The following TTLL4 variants were observed in gnomAD, a reference collection of about 807,000 sequenced individuals.
The protein encoded by TTLL4 is tubulin tyrosine ligase like 4.
Under a neutral mutation model 122.7 loss-of-function variants are expected in TTLL4, and 85 were observed. That is an observed-to-expected ratio of 0.69 (90% CI 0.58 to 0.83). The LOEUF (loss-of-function observed/expected upper bound fraction) is 0.83, where lower values mean the gene tolerates loss of function less well. Among genes scored for constraint, TTLL4 ranks in the 40% least tolerant of loss-of-function variants. TTLL4 has a pLI of 0.00. For missense variants in TTLL4, 1,363 were observed against 1,488.6 expected (o/e 0.92, Z 1.39); for synonymous variants, 553 against 563.0 (o/e 0.98, Z 0.25).
In TTLL4 at chr2:218,749,251, A is replaced by G; in HGVS notation, c.2601-2A>G. The G allele has an allele frequency of 1.2e-6, 2 of 1,613,996 alleles. No homozygotes were observed. Among genetic ancestry groups the G allele is most frequent in the Non-Finnish European group, 1.7e-6 (2 of 1,179,978 alleles). On this transcript the variant is annotated splice_acceptor_variant, in intron 13 of 19. Coordinates refer to ENST00000392102, the MANE Select transcript of TTLL4 (RefSeq NM_014640.5). LOFTEE classifies it high-confidence loss of function. ...TGAGTACTTCCTCATCCCCATGACC[A>G]GGTCAGAGCCCTATGTGACCAGCCT...
At chr2:218,720,571 G>A (rs1392166165) in intron 1 of TTLL4, among the ~76,000 whole-genome samples, 2 of 151,916 alleles carry the variant, frequency 1.3e-5, no homozygotes, top group Non-Finnish European at 2.9e-5. Context: ...CTATTCGGGA[G>A]GCTGAGGCGG....
Position 218,746,108 on chromosome 2 carries a change from C to T in TTLL4, c.1898-47C>T, listed in dbSNP as rs952398693. ...GGGGCCTCTGGGCCTCTCTCTGTCC[C>T]TGGACTGAGCTGTTAGCAAGGCTGA... On this transcript the variant is annotated intron_variant, in intron 7 of 19. Coordinates refer to ENST00000392102, the MANE Select transcript of TTLL4 (RefSeq NM_014640.5). 3.7e-6 allele frequency: 6 copies of T among 1,607,540 alleles called. No homozygotes were observed. In the African/African-American group the frequency reaches 5.3e-5, roughly 14 times the overall value.
chr2:218,722,461 G>T (rs1163981396), intron 1 of TTLL4, among the ~76,000 whole-genome samples: 2 of 151,998 alleles, frequency 1.3e-5, no homozygotes, highest in African/African-American at 4.8e-5. Context: ...AATAGGGAAT[G>T]ATTGGGGTAG....
intron 2 of TTLL4, among the ~76,000 whole-genome samples, chr2:218,735,034 A>G (rs76755954): frequency 0.015 from 2,319 of 152,240 alleles, 37 homozygotes; most frequent in South Asian, 0.022. Flanking sequence ...ATCATTTTGA[A>G]TATTGGCAGT....
intron 16 of TTLL4, among the ~76,000 whole-genome samples, 187 bp downstream of exon 16, chr2:218,751,993 C>A (rs949000712): frequency 6.7e-6 from 1 of 149,114 alleles, no homozygotes; most frequent in South Asian, 2.1e-4. Flanking sequence ...CTGCAACCTC[C>A]GCCTCCCAGG....
chr2:218,728,728 A>G (rs934513236), intron 2 of TTLL4, among the ~76,000 whole-genome samples: 1 of 152,194 alleles, frequency 6.6e-6, no homozygotes, highest in Non-Finnish European at 1.5e-5. Context: ...CATACCTCCT[A>G]TAGAGAGAAG....
intron 2 of TTLL4, among the ~76,000 whole-genome samples, chr2:218,735,053 G>A (rs1258239498): frequency 1.3e-5 from 2 of 152,138 alleles, no homozygotes; most frequent in Admixed American, 1.3e-4. Flanking sequence ...GTGCTGCATT[G>A]TGATTTTTTG....
At chr2:218,724,035 C>A (rs1482866593) in intron 1 of TTLL4, among the ~76,000 whole-genome samples, 3 of 152,046 alleles carry the variant, frequency 2.0e-5, no homozygotes, top group Non-Finnish European at 2.9e-5. Flanking sequence ...TATTCAGATG[C>A]AAAGGGGTAT....
chr2:218,721,634 G>A (rs1336798986), intron 1 of TTLL4, among the ~76,000 whole-genome samples: 3 of 152,142 alleles, frequency 2.0e-5, no homozygotes, highest in Non-Finnish European at 2.9e-5. Context: ...CTATGTAAGG[G>A]AGTGAAAAAA....
rs1183035109 is a variant in TTLL4 at position 218,738,100 on chromosome 2, G to GA, written c.430dup (p.Ser144LysfsTer71). 1.2e-6 allele frequency: 2 copies of GA among 1,613,812 alleles called. No individual in the cohort carries two copies. Among genetic ancestry groups the GA allele is most frequent in the African/African-American group, 1.3e-5 (1 of 74,872 alleles). On this transcript the variant is annotated frameshift_variant, in exon 3 of 20. Coordinates refer to ENST00000392102, the MANE Select transcript of TTLL4 (RefSeq NM_014640.5). LOFTEE classifies it high-confidence loss of function. ...TTTCTGCTTGCGTTCGAGCCCGTCA[G>GA]AAAAAAGCCCTTTTTCTCTCCCTCA...
At chr2:218,725,651 G>A (rs1473400567) in intron 1 of TTLL4, among the ~76,000 whole-genome samples, 2 of 151,772 alleles carry the variant, frequency 1.3e-5, no homozygotes, top group African/African-American at 4.8e-5. Flanking sequence ...CACCTCCTGG[G>A]TTCAAGCAAT....
At chr2:218,737,359 A>G (rs942569873) in intron 2 of TTLL4, among the ~76,000 whole-genome samples, 2 of 152,154 alleles carry the variant, frequency 1.3e-5, no homozygotes, top group Admixed American at 1.3e-4. Context: ...TCAGTGTTTT[A>G]GTCCGTAATG....
chr2:218,737,532 C>T (rs572308672), intron 2 of TTLL4, 47 bp from the exon 3 acceptor site: 188 of 991,630 alleles, frequency 1.9e-4, no homozygotes, highest in South Asian at 3.9e-4. Context: ...GCATGGTGTC[C>T]GTTCTCCTGG....
At chr2:218,712,627 T>C (rs980161167) in intron 1 of TTLL4, among the ~76,000 whole-genome samples, 4 of 152,084 alleles carry the variant, frequency 2.6e-5, no homozygotes, top group African/African-American at 9.7e-5. Context: ...GACCTCGTGA[T>C]TCACCCGCCT....
At chr2:218,748,765 T>C (rs1942931646) in intron 12 of TTLL4, 71 bp from the exon 13 acceptor site, 3 of 1,404,582 alleles carry the variant, frequency 2.1e-6, no homozygotes, top group Admixed American at 1.9e-5. Flanking sequence ...AGGTCTCTTC[T>C]TCGTTTTTCT....
Position 218,746,165 on chromosome 2 carries a change from C to G in TTLL4, c.1908C>G (p.Asp636Glu). Residue 636 changes from aspartate (D) to glutamate (E), a missense_variant, in exon 8 of 20, where the codon GAC becomes GAG. Transcript: ENST00000392102. ...SHFKISKRND[D>E]WLGCWGHHMK... ...ATGTACCTCCCATAGGAAACGATGA[C>G]TGGCTGGGCTGCTGGGGTCACCACA... is the stretch of plus-strand genomic sequence containing the variant. 1 of 1,614,172 alleles carries G rather than the reference C, an allele frequency of 6.2e-7. No individual in the cohort carries two copies. The highest frequency in any genetic ancestry group is 8.5e-7 in the Non-Finnish European group (1 of 1,180,042).
Position 218,738,207 on chromosome 2 carries a change from A to C in TTLL4, c.531A>C (p.Ser177=). 6.2e-7 allele frequency: 1 copy of C among 1,613,804 alleles called. No individual in the cohort carries two copies. Among genetic ancestry groups the C allele is most frequent in the Non-Finnish European group, 8.5e-7 (1 of 1,179,968 alleles). The change falls in exon 3 of 20, where the codon TCA becomes TCC. Residue 177 remains serine (S), a synonymous_variant. Transcript: ENST00000392102. ...VFSMAQPMAS[S]STEPYLCLAA... ...CCATGGCCCAGCCCATGGCCTCCTCATCCACAGAACCATACCTCTGCTTGG... is the reference window on the plus strand; with the variant it reads ...CCATGGCCCAGCCCATGGCCTCCTCCTCCACAGAACCATACCTCTGCTTGG...
At chr2:218,719,135 C>T (rs16859228) in intron 1 of TTLL4, among the ~76,000 whole-genome samples, 3,265 of 152,160 alleles carry the variant, frequency 0.021, 120 homozygotes, top group African/African-American at 0.072. Context: ...TCTAGGAAGA[C>T]TTAGTGTTCC....
Position 218,749,000 on chromosome 2 carries a change from C to T in TTLL4, c.2600+66C>T. The T allele has an allele frequency of 3.9e-6, 6 of 1,529,224 alleles. No individual in the cohort carries two copies. The East Asian group carries it at 1.4e-4, about 35-fold the overall frequency. 94.7% of individuals were successfully genotyped at this position (1,529,224 alleles called of 1,614,324 possible). The stretch of plus-strand genomic sequence containing the variant: ...ACCCCCTCCTTTCTCCTGGGCCTCA[C>T]ACTGCTGTGCTCTGGACTTTGGCCA... On this transcript the variant is annotated intron_variant, in intron 13 of 19. Coordinates refer to ENST00000392102, the MANE Select transcript of TTLL4 (RefSeq NM_014640.5).
Sources: gnomAD v4.1 joint callset for allele counts (sites outside exome capture counted in the v4.1 genomes callset) on GRCh38, gnomAD v4.1.1 for gene constraint, MANE v1.5 for transcripts, NCBI Gene and HGNC (gene_info 2026-07-23, HGNC 2026-07-21) for gene names.